The following KIAA0232 variants were observed in gnomAD, a reference collection of about 807,000 sequenced individuals.
KIAA0232 encodes the protein uncharacterized protein KIAA0232.
Under a neutral mutation model 122.0 loss-of-function variants are expected in KIAA0232, and 27 were observed. The observed-to-expected ratio is 0.22, with a 90% CI of 0.16 to 0.31. The LOEUF is 0.31. KIAA0232 is among the 10% of genes least tolerant of loss of function. The pLI is 1.00. For synonymous variants in KIAA0232, 613 were observed against 587.6 expected (o/e 1.04, Z -0.63); for missense variants, 1,551 against 1,634.2 (o/e 0.95, Z 0.88).
chr4:6,783,838 C>T (rs1716484320), intron 1 of KIAA0232, among the ~76,000 whole-genome samples: 1 of 152,190 alleles, frequency 6.6e-6, no homozygotes, highest in African/African-American at 2.4e-5. Context: ...GCTGCGGGGC[C>T]TGATCCGGCT....
At position 6,863,155 on chromosome 4, in the gene KIAA0232, G is replaced by A. The variant is rs372990475; in HGVS notation, c.2773G>A (p.Glu925Lys). The A allele has an allele frequency of 6.2e-6, 10 of 1,614,010 alleles. No homozygotes were observed. The highest frequency in any genetic ancestry group is 8.5e-6 in the Non-Finnish European group (10 of 1,180,020). Reference protein sequence around the residue: ...SKPWDVAQDKENTFILGGVYG... With the variant: ...SKPWDVAQDKKNTFILGGVYG... Reference sequence around the variant, plus strand: ...ACCCTGGGATGTAGCCCAAGATAAAGAAAACACATTCATTCTTGGAGGAGT... The same window carrying A: ...ACCCTGGGATGTAGCCCAAGATAAAAAAAACACATTCATTCTTGGAGGAGT... The change falls in exon 7 of 10, where the codon GAA becomes AAA. Residue 925 changes from glutamate (E) to lysine (K), a missense_variant. This residue lies in a region of KIAA0232 where 1,108 missense variants were observed against 1,154.8 expected (regional missense o/e 0.96). Transcript: ENST00000307659.
intron 2 of KIAA0232, among the ~76,000 whole-genome samples, chr4:6,816,383 C>T (rs568755186): frequency 3.3e-5 from 5 of 151,620 alleles, no homozygotes; most frequent in East Asian, 1.9e-4. Context: ...CCCGGGTTCA[C>T]GCCATTCTCC....
At chr4:6,860,215 A>G (rs1720781078) in intron 6 of KIAA0232, among the ~76,000 whole-genome samples, 1 of 152,180 alleles carries the variant, frequency 6.6e-6, no homozygotes, top group Non-Finnish European at 1.5e-5. Context: ...CTCATTTTGC[A>G]TATTAATTCC....
At chr4:6,876,903 C>G in intron 9 of KIAA0232, 146 bp downstream of exon 9, 1 of 615,452 alleles carries the variant, frequency 1.6e-6, no homozygotes, top group Non-Finnish European at 2.9e-6. Flanking sequence ...ACTTCCTGTT[C>G]TCTGGCCTTT....
At chr4:6,810,378 A>T (rs554238842) in intron 2 of KIAA0232, among the ~76,000 whole-genome samples, 1 of 152,348 alleles carries the variant, frequency 6.6e-6, no homozygotes, top group South Asian at 2.1e-4. Flanking sequence ...TGCCCTGTGC[A>T]TAAGAATGAA....
intron 3 of KIAA0232, among the ~76,000 whole-genome samples, chr4:6,827,161 G>A (rs1256714872): frequency 6.6e-6 from 1 of 152,202 alleles, no homozygotes; most frequent in African/African-American, 2.4e-5. Context: ...CGCCAATGAA[G>A]AAGGTCAAAT....
intron 1 of KIAA0232, among the ~76,000 whole-genome samples, chr4:6,783,043 G>A (rs1228546377): frequency 6.6e-6 from 1 of 151,574 alleles, no homozygotes; most frequent in Non-Finnish European, 1.5e-5. Flanking sequence ...AAGGGAGGCC[G>A]AGCCGCCGCC....
At chr4:6,854,985 G>C (rs1577401249) in intron 4 of KIAA0232, among the ~76,000 whole-genome samples, 1 of 152,210 alleles carries the variant, frequency 6.6e-6, no homozygotes, top group African/African-American at 2.4e-5. Context: ...CCTGCCAGGA[G>C]ACAACAAAGG....
chr4:6,873,070 C>T (rs566565400), intron 8 of KIAA0232, among the ~76,000 whole-genome samples: 18 of 152,310 alleles, frequency 1.2e-4, no homozygotes, highest in African/African-American at 4.1e-4. Flanking sequence ...TTGCTGCTGC[C>T]GCCCTACCAT....
At chr4:6,835,277 C>CA (rs1225070145) in intron 3 of KIAA0232, among the ~76,000 whole-genome samples, 2 of 152,098 alleles carry the variant, frequency 1.3e-5, no homozygotes, top group African/African-American at 4.8e-5. Context: ...CCTTGAAAGT[C>CA]ACATAGAATC....
intron 4 of KIAA0232, among the ~76,000 whole-genome samples, chr4:6,850,991 A>C (rs1720248853): frequency 6.6e-6 from 1 of 152,196 alleles, no homozygotes; most frequent in Admixed American, 6.5e-5. Flanking sequence ...TTACCTGCTT[A>C]TCCTTGTGCG....
At chr4:6,859,090 T>G (rs2108790205) in intron 6 of KIAA0232, among the ~76,000 whole-genome samples, 1 of 125,486 alleles carries the variant, frequency 8.0e-6, no homozygotes, top group African/African-American at 3.2e-5. Flanking sequence ...AGAGCGAGAC[T>G]CTGTCTTATT....
At chr4:6,783,036 G>A (rs1316333705) in intron 1 of KIAA0232, among the ~76,000 whole-genome samples, 195 bp downstream of exon 1, 1 of 151,788 alleles carries the variant, frequency 6.6e-6, no homozygotes, top group Non-Finnish European at 1.5e-5. Context: ...CCAGCCTAAG[G>A]GAGGCCGAGC....
In KIAA0232 at chr4:6,863,876, A is replaced by C; in HGVS notation, c.3494A>C (p.Tyr1165Ser). The C allele has an allele frequency of 6.2e-7, 1 of 1,614,156 alleles. No individual in the cohort carries two copies. Among genetic ancestry groups the C allele is most frequent in the Non-Finnish European group, 8.5e-7 (1 of 1,180,022 alleles). ...GATGCAGAGAAAGAAGGCCATTACTATGGAAAATCAGAGCTTGAGTCTGGA... is the reference window on the plus strand; with the variant it reads ...GATGCAGAGAAAGAAGGCCATTACTCTGGAAAATCAGAGCTTGAGTCTGGA... ...EEDAEKEGHY[Y>S]GKSELESGKF... The change falls in exon 7 of 10, where the codon TAT (tyrosine) becomes TCT (serine). Residue 1165 changes from tyrosine to serine, a missense_variant. Tyr to Ser is a moderately radical substitution (Grantham distance 144). Around this residue, in one of 5 missense-constraint regions of KIAA0232, gnomAD observed 1,108 missense variants for 1,154.8 expected, o/e 0.96. Coordinates refer to ENST00000307659, the MANE Select transcript of KIAA0232 (RefSeq NM_014743.3).
chr4:6,852,151 C>G (rs891346761), intron 4 of KIAA0232, among the ~76,000 whole-genome samples: 31 of 152,144 alleles, frequency 2.0e-4, no homozygotes, highest in African/African-American at 6.5e-4. Context: ...TTCTAGAGAG[C>G]AAATGTGCAT....
intron 1 of KIAA0232, among the ~76,000 whole-genome samples, chr4:6,783,343 A>G (rs1424020728): frequency 6.6e-6 from 1 of 152,106 alleles, no homozygotes; most frequent in Admixed American, 6.5e-5. Context: ...GAGTCCGCAC[A>G]ATGGGTTGCC....
chr4:6,787,634 C>T (rs917558807), intron 1 of KIAA0232, among the ~76,000 whole-genome samples: 1 of 152,130 alleles, frequency 6.6e-6, no homozygotes, highest in Non-Finnish European at 1.5e-5. Flanking sequence ...CAGTCTTTTT[C>T]TTTACTCTTT....
At chr4:6,816,596 T>A (rs1047638121) in intron 2 of KIAA0232, among the ~76,000 whole-genome samples, 1 of 152,172 alleles carries the variant, frequency 6.6e-6, no homozygotes, top group Non-Finnish European at 1.5e-5. Context: ...TCTTGTAATA[T>A]CTTTATTGGC....
At chr4:6,850,072 A>G (rs1214969718) in intron 4 of KIAA0232, among the ~76,000 whole-genome samples, 1 of 152,200 alleles carries the variant, frequency 6.6e-6, no homozygotes, top group Admixed American at 6.5e-5. Context: ...GATCTTTCAA[A>G]TGTTGAAAAG....
Sources: gnomAD v4.1 joint callset for allele counts (sites outside exome capture counted in the v4.1 genomes callset) on GRCh38, gnomAD v4.1.1 for gene constraint, gnomAD v4.1.1 regional missense constraint, MANE v1.5 for transcripts, NCBI Gene and HGNC (gene_info 2026-07-23, HGNC 2026-07-21) for gene names.